The following CSMD1 variants were observed in gnomAD, a reference collection of about 807,000 sequenced individuals.
CSMD1 encodes CUB and Sushi multiple domains 1, also known as CUB and sushi domain-containing protein 1.
CSMD1 carries 213 observed loss-of-function variants against 417.5 expected under a neutral mutation model. That is an observed-to-expected ratio of 0.51 (90% confidence interval 0.46 to 0.57). The LOEUF (loss-of-function observed/expected upper bound fraction) is 0.57. CSMD1 is among the 20% of genes least tolerant of loss of function. The pLI, the probability that CSMD1 is intolerant of heterozygous loss-of-function variation, is 0.00. For missense variants in CSMD1, 6,923 were observed against 4,529.7 expected (o/e 1.53, Z -15.17); for synonymous variants, 2,862 against 1,736.8 (o/e 1.65, Z -16.11).
chr8:4,278,623 A>G (rs1469953430), intron 3 of CSMD1, among the ~76,000 whole-genome samples: 1 of 152,206 alleles, frequency 6.6e-6, no homozygotes, highest in Non-Finnish European at 1.5e-5. Flanking sequence ...TGGAAACTCA[A>G]ATTTTAGCTA....
chr8:3,744,360 C>T (rs980766983), intron 6 of CSMD1, among the ~76,000 whole-genome samples: 5 of 152,064 alleles, frequency 3.3e-5, no homozygotes, highest in African/African-American at 7.2e-5. Flanking sequence ...GATTACTAAA[C>T]AGGGCACAGC....
At chr8:3,276,122 T>C (rs549965662) in intron 26 of CSMD1, among the ~76,000 whole-genome samples, 2 of 152,304 alleles carry the variant, frequency 1.3e-5, no homozygotes, top group South Asian at 4.1e-4. Flanking sequence ...GGATGTCATT[T>C]CTGTTTGTTA....
At chr8:4,096,119 A>T (rs990236774) in intron 3 of CSMD1, among the ~76,000 whole-genome samples, 2 of 152,132 alleles carry the variant, frequency 1.3e-5, no homozygotes, top group African/African-American at 4.8e-5. Context: ...GTTCCTCAAA[A>T]ACATCCAGGG....
intron 1 of CSMD1, among the ~76,000 whole-genome samples, chr8:4,795,526 T>C (rs1279625534): frequency 6.6e-6 from 1 of 151,946 alleles, no homozygotes; most frequent in Non-Finnish European, 1.5e-5. Flanking sequence ...CCTTCCAAAG[T>C]TCTGGTATTG....
At chr8:3,570,747 T>C (rs1563163762) in intron 10 of CSMD1, among the ~76,000 whole-genome samples, 1 of 152,266 alleles carries the variant, frequency 6.6e-6, no homozygotes, top group East Asian at 1.9e-4. Context: ...GAAAATAACC[T>C]GTTCTTTCAT....
intron 1 of CSMD1, among the ~76,000 whole-genome samples, chr8:4,855,008 G>T (rs932366581): frequency 6.6e-6 from 1 of 152,144 alleles, no homozygotes; most frequent in Non-Finnish European, 1.5e-5. Context: ...AGACTTAAAT[G>T]TCCCTGTCTG....
intron 2 of CSMD1, among the ~76,000 whole-genome samples, chr8:4,482,680 C>A (rs1287687188): frequency 6.6e-6 from 1 of 152,138 alleles, no homozygotes; most frequent in Non-Finnish European, 1.5e-5. Flanking sequence ...CACTGTCTTC[C>A]ACAATGGCTG....
intron 7 of CSMD1, among the ~76,000 whole-genome samples, chr8:3,629,740 C>T (rs1457158423): frequency 1.3e-5 from 2 of 151,984 alleles, no homozygotes; most frequent in Non-Finnish European, 2.9e-5. Context: ...ACACTATATG[C>T]CAAAAGAAAC....
intron 5 of CSMD1, among the ~76,000 whole-genome samples, chr8:3,781,459 G>C (rs890013085): frequency 6.6e-6 from 1 of 151,816 alleles, no homozygotes; most frequent in Non-Finnish European, 1.5e-5. Context: ...GAGAATACGG[G>C]TTAAGGGAGC....
intron 5 of CSMD1, among the ~76,000 whole-genome samples, chr8:3,828,880 C>T (rs984376528): frequency 9.9e-5 from 15 of 152,140 alleles, no homozygotes; most frequent in African/African-American, 3.6e-4. Context: ...TCTCACATCA[C>T]CAACCCCATG....
intron 2 of CSMD1, among the ~76,000 whole-genome samples, chr8:4,590,469 T>C (rs796654484): frequency 3.9e-5 from 6 of 152,324 alleles, no homozygotes; most frequent in African/African-American, 1.2e-4. Context: ...TGTTCTGGTA[T>C]GTAGAATGTA....
chr8:3,225,787 G>A (rs1167692593), intron 27 of CSMD1, among the ~76,000 whole-genome samples: 1 of 152,202 alleles, frequency 6.6e-6, no homozygotes, highest in Non-Finnish European at 1.5e-5. Context: ...GCCTGGCCCT[G>A]TTTGTTCTCT....
intron 8 of CSMD1, among the ~76,000 whole-genome samples, chr8:3,596,159 G>A (rs1467633172): frequency 6.6e-6 from 1 of 152,182 alleles, no homozygotes; most frequent in African/African-American, 2.4e-5. Flanking sequence ...AGGAGTGTCG[G>A]AGGCAGAGAC....
At chr8:4,602,472 G>A (rs182553251) in intron 2 of CSMD1, among the ~76,000 whole-genome samples, 1 of 152,178 alleles carries the variant, frequency 6.6e-6, no homozygotes, top group East Asian at 1.9e-4. Flanking sequence ...ATTTAATATG[G>A]CCAGAGCTGT....
chr8:4,222,569 C>G (rs1435408409), intron 3 of CSMD1, among the ~76,000 whole-genome samples: 1 of 152,088 alleles, frequency 6.6e-6, no homozygotes, highest in Non-Finnish European at 1.5e-5. Context: ...AGGTTAAAGG[C>G]TATTACTTTA....
intron 3 of CSMD1, among the ~76,000 whole-genome samples, chr8:4,365,383 T>A (rs1802003881): frequency 6.6e-6 from 1 of 152,192 alleles, no homozygotes; most frequent in Admixed American, 6.5e-5. Context: ...TTTCTGTATT[T>A]TAGGTGTTCT....
At chr8:3,517,284 A>C (rs1317776519) in intron 10 of CSMD1, among the ~76,000 whole-genome samples, 1 of 152,212 alleles carries the variant, frequency 6.6e-6, no homozygotes, top group Admixed American at 6.5e-5. Context: ...TCACAAGAGA[A>C]CAAAAGATGG....
intron 1 of CSMD1, among the ~76,000 whole-genome samples, chr8:4,895,729 G>A (rs1804439809): frequency 6.6e-6 from 1 of 150,826 alleles, no homozygotes; most frequent in Admixed American, 6.6e-5. Context: ...AACCTACAAA[G>A]CCTCTATTTT....
chr8:3,235,607 A>G (rs1799102516), intron 26 of CSMD1, among the ~76,000 whole-genome samples: 1 of 152,284 alleles, frequency 6.6e-6, no homozygotes, highest in African/African-American at 2.4e-5. Context: ...CGTATCCCAC[A>G]TTGTCATCAT....
Sources: gnomAD v4.1 joint callset for allele counts (sites outside exome capture counted in the v4.1 genomes callset) on GRCh38, gnomAD v4.1.1 for gene constraint, MANE v1.5 for transcripts, NCBI Gene and HGNC (gene_info 2026-07-23, HGNC 2026-07-21) for gene names.